TUSC2: variants seen among roughly 807,000 people sequenced by gnomAD.
The protein encoded by TUSC2 is tumor suppressor candidate 2.
TUSC2 carries 7 observed loss-of-function variants against 11.5 expected under a neutral mutation model. The ratio of observed to expected loss-of-function variants is 0.61; its 90% CI spans 0.35 to 1.14. The LOEUF is 1.14. Among genes scored for constraint, TUSC2 ranks in the 50% most tolerant of loss-of-function variants. The probability of loss-of-function intolerance (pLI) is 0.03; values close to 1 mark genes in which losing one functional copy is unlikely to be tolerated. For missense variants in TUSC2, 132 were observed against 155.0 expected (o/e 0.85, Z 0.79); for synonymous variants, 61 against 64.1 (o/e 0.95, Z 0.23).
chr3:50,327,425 G>A lies in TUSC2; in HGVS notation c.146+529C>T, dbSNP rs587728531. Among the ~76,000 whole-genome samples, 16 of 152,264 alleles carry A rather than the reference G, an allele frequency of 1.1e-4. No individual in the cohort carries two copies. The South Asian group carries it at 3.3e-3, about 32-fold the overall frequency. ...CTCTGGGAGACTGGGCTGGGGGTTG[G>A]GTGGGTAGGTCAGCGCTCTGGATCT... is the stretch of plus-strand genomic sequence containing the variant. On this transcript the variant is annotated intron_variant, in intron 1 of 2. Transcript: ENST00000232496.
In TUSC2 at chr3:50,328,143, C is replaced by T; in HGVS notation, c.-44G>A. The T allele has an allele frequency of 7.4e-7, 1 of 1,351,414 alleles. No homozygotes were observed. The highest frequency in any genetic ancestry group is 9.5e-7 in the Non-Finnish European group (1 of 1,053,830). 83.7% of individuals were successfully genotyped at this position (1,351,414 alleles called of 1,614,324 possible). ...TGGCGGGCCCCGTGGCCGCTCTGCTCACACCGCAGTCCGCACTACCATAAC... is the reference window on the plus strand; with the variant it reads ...TGGCGGGCCCCGTGGCCGCTCTGCTTACACCGCAGTCCGCACTACCATAAC... On this transcript the variant is annotated 5_prime_UTR_variant, in exon 1 of 3. An upstream open reading frame in the 5' UTR loses its in-frame stop. Transcript: ENST00000232496.
At chr3:50,326,208 G>T in intron 2 of TUSC2, 22 bp from the exon 3 acceptor site, 1 of 1,605,086 alleles carries the variant, frequency 6.2e-7, no homozygotes, top group South Asian at 1.1e-5. Context: ...ACAGAGGCTA[G>T]TAAGGGTCAG....
At position 50,326,028 on chromosome 3, in the gene TUSC2, C is replaced by T; in HGVS notation, c.*93G>A. 6.8e-7 allele frequency: 1 copy of T among 1,480,532 alleles called. No homozygotes were observed. The highest frequency in any genetic ancestry group is 1.4e-5 in the African/African-American group (1 of 71,696). 91.7% of individuals were successfully genotyped at this position (1,480,532 alleles called of 1,614,324 possible). A position where few individuals can be genotyped will look rare whatever the true frequency, so the allele number is the denominator to read the frequency against. The stretch of plus-strand genomic sequence containing the variant: ...ACAGAGTTTATTCAGGGTTGTGGCC[C>T]CAGCCTGGGCTCCTCAATGGAAGCC... On this transcript the variant is annotated 3_prime_UTR_variant, in exon 3 of 3. Coordinates refer to ENST00000232496, the MANE Select transcript of TUSC2 (RefSeq NM_007275.3).
At chr3:50,326,962 A>G in intron 1 of TUSC2, 1 of 337,824 alleles carries the variant, frequency 3.0e-6, no homozygotes, top group African/African-American at 2.2e-5. Flanking sequence ...TACTAGAAGA[A>G]AGTGGGAAGT....
At chr3:50,326,530 G>C in intron 1 of TUSC2, 53 bp from the exon 2 acceptor site, 1 of 1,602,998 alleles carries the variant, frequency 6.2e-7, no homozygotes, top group Non-Finnish European at 8.5e-7. Flanking sequence ...ACCTGGGCAT[G>C]GCAAATGTCA....
At chr3:50,326,741 C>T (rs955981722) in intron 1 of TUSC2, among the ~76,000 whole-genome samples, 1 of 152,148 alleles carries the variant, frequency 6.6e-6, no homozygotes, top group African/African-American at 2.4e-5. Context: ...CCTCAGCCTC[C>T]CAAGTAGCTG....
At chr3:50,327,844 GGTC>G in intron 1 of TUSC2, 107 bp downstream of exon 1, 1 of 1,322,388 alleles carries the variant, frequency 7.6e-7, no homozygotes, top group Non-Finnish European at 9.7e-7. Flanking sequence ...AAAATATGGG[GGTC>G]GTCCTGGCTT....
In TUSC2 at chr3:50,326,084, C is replaced by A. The variant is rs782104279; in HGVS notation, c.*37G>T. On this transcript the variant is annotated 3_prime_UTR_variant, in exon 3 of 3. Transcript: ENST00000232496. ...TTGATTGAGCCTGGGAGTTTCTTGC[C>A]GGGGCAGGGGGTGCTTCTGTCTGCC... is the stretch of plus-strand genomic sequence containing the variant. The A allele has an allele frequency of 5.8e-6, 9 of 1,557,674 alleles. No homozygotes were observed. The African/African-American group carries it at 1.1e-4, about 19-fold the overall frequency.
chr3:50,326,319 C>T, intron 2 of TUSC2, 38 bp downstream of exon 2: 1 of 1,613,896 alleles, frequency 6.2e-7, no homozygotes, highest in Non-Finnish European at 8.5e-7. Context: ...CCTCCACACG[C>T]TTAGTGTAGG....
In TUSC2 at chr3:50,326,076, T is replaced by C. The variant is rs375797900; in HGVS notation, c.*45A>G. ...GCCACACCTTGATTGAGCCTGGGAG[T>C]TTCTTGCCGGGGCAGGGGGTGCTTC... On this transcript the variant is annotated 3_prime_UTR_variant, in exon 3 of 3. Coordinates refer to ENST00000232496, the MANE Select transcript of TUSC2 (RefSeq NM_007275.3). 7.7e-6 allele frequency: 12 copies of C among 1,553,616 alleles called. No homozygotes were observed. In the African/African-American group the frequency reaches 1.6e-4, roughly 21 times the overall value.
intron 1 of TUSC2, chr3:50,327,012 A>G (rs1406281436): frequency 8.2e-6 from 3 of 365,158 alleles, no homozygotes; most frequent in African/African-American, 2.1e-5. Context: ...CAGACCCCCA[A>G]GAAGAGAGCC....
At chr3:50,326,635 G>A (rs1252066943) in intron 1 of TUSC2, among the ~76,000 whole-genome samples, 158 bp from the exon 2 acceptor site, 4 of 151,788 alleles carry the variant, frequency 2.6e-5, no homozygotes, top group South Asian at 2.1e-4. Flanking sequence ...AAAATTTTTC[G>A]AGACAGAATC....
Position 50,325,749 on chromosome 3 carries a change from A to C in TUSC2, c.*372T>G, listed in dbSNP as rs1702779049. 1 of 278,424 alleles carries C rather than the reference A, an allele frequency of 3.6e-6. No homozygotes were observed. The highest frequency in any genetic ancestry group is 2.2e-5 in the African/African-American group (1 of 46,052). 17.2% of individuals were successfully genotyped at this position (278,424 alleles called of 1,614,324 possible). Reference sequence around the variant, plus strand: ...CTGGAAGAAAGCATACCTTGCTTGTAAAGTGCTGTAGCCTCTAGCAGGGCT... The same window carrying C: ...CTGGAAGAAAGCATACCTTGCTTGTCAAGTGCTGTAGCCTCTAGCAGGGCT... On this transcript the variant is annotated 3_prime_UTR_variant, in exon 3 of 3. Coordinates refer to ENST00000232496, the MANE Select transcript of TUSC2 (RefSeq NM_007275.3). The surrounding 1 kb of genome is among the most constrained non-coding windows in gnomAD (Gnocchi z 5.1).
At position 50,325,862 on chromosome 3, in the gene TUSC2, T is replaced by C. The variant is rs1370958496; in HGVS notation, c.*259A>G. ...ACTGGTATATGCCCTGCTGTGCTGC[T>C]TGCAGGGGTGGCTTGGGAGAGTGGG... On this transcript the variant is annotated 3_prime_UTR_variant, in exon 3 of 3. Coordinates refer to ENST00000232496, the MANE Select transcript of TUSC2 (RefSeq NM_007275.3). This position sits in a 1 kb window ranked among gnomAD's most constrained non-coding sequence, Gnocchi z 5.1. 9 of 555,504 alleles carry C rather than the reference T, an allele frequency of 1.6e-5. No individual in the cohort carries two copies. The highest frequency in any genetic ancestry group is 2.0e-5 in the Non-Finnish European group (6 of 307,672). The allele number at this position is 555,504 out of a possible 1,614,324, so 34.4% of individuals were successfully genotyped here. A position where few individuals can be genotyped will look rare whatever the true frequency, so the allele number is the denominator to read the frequency against.
Position 50,327,953 on chromosome 3 carries a change from C to A in TUSC2, c.146+1G>T. On this transcript the variant is annotated splice_donor_variant, in intron 1 of 2. Coordinates refer to ENST00000232496, the MANE Select transcript of TUSC2 (RefSeq NM_007275.3). LOFTEE classifies it high-confidence loss of function. ...CGCCAGGGTGGAACCCATGCCCTTACCCGCGGCGCGTGAATACGAAGGGGG... is the reference window on the plus strand; with the variant it reads ...CGCCAGGGTGGAACCCATGCCCTTAACCGCGGCGCGTGAATACGAAGGGGG... 6.5e-7 allele frequency: 1 copy of A among 1,533,278 alleles called. No homozygotes were observed. The highest frequency in any genetic ancestry group is 2.0e-5 in the Admixed American group (1 of 49,338). 95.0% of individuals were successfully genotyped at this position (1,533,278 alleles called of 1,614,324 possible).
chr3:50,325,807 A>T lies in TUSC2; in HGVS notation c.*314T>A. ...AGGCAAACTTGGAAGAAAGCAGACC[A>T]GGCAAGGAACCAGGTAACGGGCATT... On this transcript the variant is annotated 3_prime_UTR_variant, in exon 3 of 3. Coordinates refer to ENST00000232496, the MANE Select transcript of TUSC2 (RefSeq NM_007275.3). The surrounding 1 kb of genome is among the most constrained non-coding windows in gnomAD (Gnocchi z 5.1). 2.4e-6 allele frequency: 1 copy of T among 413,376 alleles called. No homozygotes were observed. Among genetic ancestry groups the T allele is most frequent in the Non-Finnish European group, 4.5e-6 (1 of 224,350 alleles). The allele number at this position is 413,376 out of a possible 1,614,324, so 25.6% of individuals were successfully genotyped here.
chr3:50,328,062 G>A lies in TUSC2; in HGVS notation c.38C>T (p.Pro13Leu). 6.7e-7 allele frequency: 1 copy of A among 1,483,644 alleles called. No homozygotes were observed. The highest frequency in any genetic ancestry group is 8.9e-7 in the Non-Finnish European group (1 of 1,117,494). 91.9% of individuals were successfully genotyped at this position (1,483,644 alleles called of 1,614,324 possible). Residue 13 changes from proline to leucine, a missense_variant, in exon 1 of 3, where the codon CCC becomes CTC. Transcript: ENST00000232496. ...ASGSKARGLWPFASAAGGGGS... is the reference protein window; with the variant it reads ...ASGSKARGLWLFASAAGGGGS... Reference sequence around the variant, plus strand: ...GCCGCCTCCGGCCGCCGAGGCGAAGGGCCACAGGCCCCGAGCTTTGGACCC... The same window carrying A: ...GCCGCCTCCGGCCGCCGAGGCGAAGAGCCACAGGCCCCGAGCTTTGGACCC...
At position 50,328,088 on chromosome 3, in the gene TUSC2, G is replaced by A. The variant is rs1410384648; in HGVS notation, c.12C>T (p.Ser4=). The stretch of plus-strand genomic sequence containing the variant: ...GCCACAGGCCCCGAGCTTTGGACCC[G>A]CTGGCGCCCATGTCAGGGCCGCCGG... MGA[S]GSKARGLWPF... The change falls in exon 1 of 3, where the codon AGC becomes AGT. Residue 4 remains serine (S), a synonymous_variant. Coordinates refer to ENST00000232496, the MANE Select transcript of TUSC2 (RefSeq NM_007275.3). 6 of 1,403,744 alleles carry A rather than the reference G, an allele frequency of 4.3e-6. No individual in the cohort carries two copies. The highest frequency in any genetic ancestry group is 3.0e-5 in the East Asian group (1 of 33,348). The allele number at this position is 1,403,744 out of a possible 1,614,324, so 87.0% of individuals were successfully genotyped here.
rs587600845 is a variant in TUSC2, at chr3:50,325,555, G to A, written c.*566C>T. ...GCAAACTGTCCATCCATCTGAAGGC[G>A]GGAACAAATGGCAGGTAGGTCGGAA... On this transcript the variant is annotated 3_prime_UTR_variant, in exon 3 of 3. Coordinates refer to ENST00000232496, the MANE Select transcript of TUSC2 (RefSeq NM_007275.3). The surrounding 1 kb of genome is among the most constrained non-coding windows in gnomAD (Gnocchi z 5.1). 2 of 153,710 alleles carry A rather than the reference G, an allele frequency of 1.3e-5. No individual in the cohort carries two copies. The highest frequency in any genetic ancestry group is 4.0e-4 in the South Asian group (2 of 4,990). The allele number at this position is 153,710 out of a possible 1,614,324, so 9.5% of individuals were successfully genotyped here. A position where few individuals can be genotyped will look rare whatever the true frequency, so the allele number is the denominator to read the frequency against.
Sources: gnomAD v4.1 joint callset for allele counts (sites outside exome capture counted in the v4.1 genomes callset) on GRCh38, gnomAD v4.1.1 for gene constraint, Gnocchi (gnomAD v3.1) non-coding constraint, MANE v1.5 for transcripts, NCBI Gene and HGNC (gene_info 2026-07-23, HGNC 2026-07-21) for gene names.